The following ACSM5 variants were observed in gnomAD, a reference collection of about 807,000 sequenced individuals.
ACSM5 encodes the protein acyl-CoA synthetase medium chain family member 5.
ACSM5 carries 56 observed loss-of-function variants against 71.6 expected under a neutral mutation model. The ratio of observed to expected loss-of-function variants is 0.78; its 90% CI spans 0.63 to 0.98. ACSM5 has a LOEUF of 0.98. Among genes scored for constraint, ACSM5 ranks in the 50% least tolerant of loss-of-function variants. The pLI is 0.00. For synonymous variants in ACSM5, 285 were observed against 281.5 expected, an observed-to-expected ratio of 1.01 and a Z score of -0.12; for missense variants, 723 against 726.0, an observed-to-expected ratio of 1.00 and a Z score of 0.05.
In ACSM5 at chr16:20,437,188, G is replaced by T; in HGVS notation, c.1436+9G>T. ...GTGATCAATTCTTCAAGGTCAAGCT[G>T]TCTGCACTTTCCTCCTTCCTTTGAA... On this transcript the variant is annotated intron_variant, in intron 11 of 13. Transcript: ENST00000331849. The T allele has an allele frequency of 6.2e-7, 1 of 1,614,162 alleles. No individual in the cohort carries two copies. Among genetic ancestry groups the T allele is most frequent in the Middle Eastern group, 1.7e-4 (1 of 6,060 alleles).
chr16:20,421,042 A>C (rs1325834212), intron 4 of ACSM5: 7 of 402,392 alleles, frequency 1.7e-5, no homozygotes, highest in Non-Finnish European at 2.9e-5. Context: ...TGAATTATTT[A>C]TCTATTTTGA....
Position 20,436,971 on chromosome 16 carries a change from C to G in ACSM5, c.1309-81C>G. 5 of 1,506,864 alleles carry G rather than the reference C, an allele frequency of 3.3e-6. No homozygotes were observed. The South Asian group carries it at 5.8e-5, about 18-fold the overall frequency. 93.3% of individuals were successfully genotyped at this position (1,506,864 alleles called of 1,614,324 possible). On this transcript the variant is annotated intron_variant, in intron 10 of 13. Coordinates refer to ENST00000331849, the MANE Select transcript of ACSM5 (RefSeq NM_017888.3). The stretch of plus-strand genomic sequence containing the variant: ...CTTTCTGTTGAGTGGTCTCCAGCTT[C>G]CTACAGGGGGCTACTGGGGCAGTAA...
chr16:20,417,377 A>T (rs1966858867), intron 2 of ACSM5, among the ~76,000 whole-genome samples: 1 of 152,258 alleles, frequency 6.6e-6, no homozygotes, highest in African/African-American at 2.4e-5. Context: ...AGCCATCAAA[A>T]TAATGTAATG....
At position 20,410,297 on chromosome 16, in the gene ACSM5, G is replaced by T. The variant is rs534903510; in HGVS notation, c.-16+632G>T. ...AAGGAAACTGAAACTGAGGTCACACGCAGCTCCCGGGCCAGTGCCTCTCAA... is the reference window on the plus strand; with the variant it reads ...AAGGAAACTGAAACTGAGGTCACACTCAGCTCCCGGGCCAGTGCCTCTCAA... On this transcript the variant is annotated intron_variant, in intron 1 of 13. Transcript: ENST00000331849. Among the ~76,000 whole-genome samples the T allele has an allele frequency of 5.9e-5, 9 of 152,122 alleles. No homozygotes were observed. The South Asian group carries it at 6.2e-4, about 11-fold the overall frequency.
Position 20,440,462 on chromosome 16 carries a change from G to A in ACSM5, c.*35G>A. ...CAGGAAGGCCCCGTAGACCTCCGAA[G>A]ACTCCACAAGAAACTAATGGATCAC... On this transcript the variant is annotated 3_prime_UTR_variant, in exon 14 of 14. Transcript: ENST00000331849. The A allele has an allele frequency of 1.3e-6, 2 of 1,564,658 alleles. No homozygotes were observed. Among genetic ancestry groups the A allele is most frequent in the East Asian group, 2.2e-5 (1 of 44,706 alleles).
At chr16:20,417,162 A>G (rs1238232150) in intron 2 of ACSM5, among the ~76,000 whole-genome samples, 11 of 152,212 alleles carry the variant, frequency 7.2e-5, no homozygotes, top group Non-Finnish European at 1.5e-4. Flanking sequence ...AAGTTAACAT[A>G]GAGTTATTAT....
intron 2 of ACSM5, among the ~76,000 whole-genome samples, chr16:20,413,457 T>C (rs1384693292): frequency 6.6e-6 from 1 of 152,194 alleles, no homozygotes; most frequent in Admixed American, 6.5e-5. Flanking sequence ...TTGAATCAAC[T>C]TGAAGCTCAA....
Position 20,423,940 on chromosome 16 carries a change from T to A in ACSM5, c.792T>A (p.Ser264=), listed in dbSNP as rs12103211. Residue 264 remains serine, a synonymous_variant, in exon 6 of 14, where the codon TCT becomes TCA. Transcript: ENST00000331849. ...SGRRWVALTE[S]DIFWNTTDTG... is the part of the protein sequence containing the mutation. Reference sequence around the variant, plus strand: ...GACGGTGGGTGGCCTTGACCGAATCTGACATCTTCTGGAACACGACTGACA... The same window carrying A: ...GACGGTGGGTGGCCTTGACCGAATCAGACATCTTCTGGAACACGACTGACA... 1 of 1,613,872 alleles carries A rather than the reference T, an allele frequency of 6.2e-7. No individual in the cohort carries two copies. Among genetic ancestry groups the A allele is most frequent in the African/African-American group, 1.3e-5 (1 of 74,858 alleles).
At position 20,431,275 on chromosome 16, in the gene ACSM5, T is replaced by C; in HGVS notation, c.1262T>C (p.Val421Ala). 4 of 1,614,178 alleles carry C rather than the reference T, an allele frequency of 2.5e-6. No homozygotes were observed. The highest frequency in any genetic ancestry group is 3.4e-6 in the Non-Finnish European group (4 of 1,180,022). The part of the protein sequence containing the change: ...LPPGEEGNVA[V>A]RIRPTRPFCF... ...CCTGGAGAAGAGGGGAATGTTGCCG[T>C]CCGTATCAGACCCACTCGGCCCTTC... The change falls in exon 10 of 14, where the codon GTC becomes GCC. Residue 421 changes from valine to alanine, a missense_variant. Physicochemically the swap from Val to Ala is moderately conservative, Grantham distance 64. Coordinates refer to ENST00000331849, the MANE Select transcript of ACSM5 (RefSeq NM_017888.3).
At chr16:20,410,040 T>C (rs1024982950) in intron 1 of ACSM5, among the ~76,000 whole-genome samples, 2 of 152,160 alleles carry the variant, frequency 1.3e-5, no homozygotes, top group African/African-American at 4.8e-5. Flanking sequence ...AAGTCACTTT[T>C]CCCCTTTAAG....
chr16:20,431,168 G>A (rs1967090190), intron 9 of ACSM5, 52 bp from the exon 10 acceptor site: 2 of 1,597,112 alleles, frequency 1.3e-6, no homozygotes, highest in Admixed American at 1.7e-5. Flanking sequence ...GCTGGGAGAG[G>A]CCCAGGGTGT....
intron 2 of ACSM5, among the ~76,000 whole-genome samples, chr16:20,416,528 C>G (rs771876267): frequency 6.6e-6 from 1 of 152,030 alleles, no homozygotes; most frequent in Non-Finnish European, 1.5e-5. Flanking sequence ...TGTTCACATG[C>G]AAAAGAATTA....
At chr16:20,412,221 C>G (rs551669977) in intron 2 of ACSM5, 1 of 157,766 alleles carries the variant, frequency 6.3e-6, no homozygotes, top group African/African-American at 2.4e-5. Context: ...GGCATGGTGG[C>G]GCACACCTGT....
chr16:20,426,828 G>A (rs1472410447), intron 6 of ACSM5, among the ~76,000 whole-genome samples: 1 of 152,068 alleles, frequency 6.6e-6, no homozygotes, highest in Non-Finnish European at 1.5e-5. Flanking sequence ...TTCTGGAGGT[G>A]GATGGTAGCG....
intron 6 of ACSM5, among the ~76,000 whole-genome samples, chr16:20,426,369 G>C (rs1473393443): frequency 2.6e-5 from 4 of 152,202 alleles, no homozygotes; most frequent in Non-Finnish European, 4.4e-5. Context: ...CACAGTTTCT[G>C]ATGGTCAGGA....
chr16:20,421,651 A>G (rs1463814970), intron 5 of ACSM5, among the ~76,000 whole-genome samples: 1 of 135,168 alleles, frequency 7.4e-6, no homozygotes, highest in East Asian at 2.1e-4. Flanking sequence ...ATATATATAT[A>G]TATATACACA....
chr16:20,417,852 G>A (rs1196302026), intron 2 of ACSM5, among the ~76,000 whole-genome samples: 3 of 152,156 alleles, frequency 2.0e-5, no homozygotes, highest in Non-Finnish European at 4.4e-5. Flanking sequence ...AATAAAATTG[G>A]TTACTTATGA....
At chr16:20,419,075 G>C (rs369665065) in intron 3 of ACSM5, among the ~76,000 whole-genome samples, 153 bp from the exon 4 acceptor site, 1 of 152,082 alleles carries the variant, frequency 6.6e-6, no homozygotes, top group Non-Finnish European at 1.5e-5. Flanking sequence ...TTATTCAGAC[G>C]GCTAGGGTTT....
rs1230849564 is a variant in ACSM5, at chr16:20,421,287, G to A, written c.653G>A (p.Arg218Lys). Residue 218 changes from arginine to lysine, a missense_variant, in exon 5 of 14, where the codon AGG (arginine) becomes AAG (lysine). By Grantham distance (26) the Arg-to-Lys change is conservative. Coordinates refer to ENST00000331849, the MANE Select transcript of ACSM5 (RefSeq NM_017888.3). ...GCTTCTACAGAGCACAACTGCATGA[G>A]GACAAAGAGTCGAGACCCGCTGGCC... is the stretch of plus-strand genomic sequence containing the variant. ...REASTEHNCM[R>K]TKSRDPLAIY... The A allele has an allele frequency of 6.2e-7, 1 of 1,606,036 alleles. No individual in the cohort carries two copies. Among genetic ancestry groups the A allele is most frequent in the East Asian group, 2.3e-5 (1 of 44,250 alleles).
Sources: allele counts gnomAD v4.1 joint callset (sites outside exome capture counted in the v4.1 genomes callset), GRCh38; gene constraint gnomAD v4.1.1; transcripts MANE v1.5; gene names NCBI Gene and HGNC (gene_info 2026-07-23, HGNC 2026-07-21).